TRHDE: variants seen among roughly 807,000 people sequenced by gnomAD.
TRHDE encodes thyrotropin releasing hormone degrading enzyme.
In TRHDE, 72 loss-of-function variants were observed where a neutral mutation model predicts 125.7. That is an observed-to-expected ratio of 0.57 (90% CI 0.47 to 0.70). The LOEUF is 0.70. Ranked by LOEUF, TRHDE falls within the 30% of genes least tolerant of loss-of-function variation. The probability of loss-of-function intolerance (pLI) is 0.00; values close to 1 mark genes in which losing one functional copy is unlikely to be tolerated. For synonymous variants in TRHDE, 509 were observed against 509.1 expected (o/e 1.00, Z 0.00); for missense variants, 1,110 against 1,327.1 (o/e 0.84, Z 2.54).
intron 7 of TRHDE, among the ~76,000 whole-genome samples, chr12:72,542,648 CT>C (rs1205530160): frequency 2.6e-5 from 4 of 151,276 alleles, no homozygotes; most frequent in African/African-American, 9.7e-5. Flanking sequence ...TCCAGAAAGA[CT>C]GCCTTCTTTT....
chr12:72,293,917 G>A (rs1180874026), intron 2 of TRHDE, among the ~76,000 whole-genome samples: 1 of 152,170 alleles, frequency 6.6e-6, no homozygotes, highest in Non-Finnish European at 1.5e-5. Context: ...GTGAGCATGG[G>A]GTCCAGCCAC....
intron 2 of TRHDE, among the ~76,000 whole-genome samples, chr12:72,330,701 T>C (rs1869554029): frequency 6.6e-6 from 1 of 152,114 alleles, no homozygotes; most frequent in Non-Finnish European, 1.5e-5. Context: ...TGCTGGGAAG[T>C]AGGAAAATAA....
intron 10 of TRHDE, among the ~76,000 whole-genome samples, chr12:72,571,119 T>A (rs770874891): frequency 6.6e-6 from 1 of 152,114 alleles, no homozygotes; most frequent in Non-Finnish European, 1.5e-5. Context: ...TTCGTTCTGA[T>A]GACTAATAAA....
chr12:72,440,963 A>C (rs1257820084), intron 3 of TRHDE, among the ~76,000 whole-genome samples: 2 of 151,934 alleles, frequency 1.3e-5, no homozygotes, highest in Non-Finnish European at 2.9e-5. Flanking sequence ...TGACTCAATA[A>C]ACAATACACA....
At chr12:72,315,269 G>A (rs1345483874) in intron 2 of TRHDE, among the ~76,000 whole-genome samples, 1 of 152,194 alleles carries the variant, frequency 6.6e-6, no homozygotes, top group East Asian at 1.9e-4. Context: ...AGATTAGGAA[G>A]TATTTTAAAG....
At position 72,575,284 on chromosome 12, in the gene TRHDE, G is replaced by A; in HGVS notation, c.2161G>A (p.Gly721Arg). The change falls in exon 11 of 19, where the codon GGA becomes AGA. Residue 721 changes from glycine to arginine, a missense_variant. By Grantham distance (125) the Gly-to-Arg change is moderately radical (BLOSUM62 -2). Around this residue, in one of 5 missense-constraint regions of TRHDE, gnomAD observed 527 missense variants for 651.8 expected, o/e 0.81. Coordinates refer to ENST00000261180, the MANE Select transcript of TRHDE (RefSeq NM_013381.3). ...CCACAGAATAACTTATTTGGACAAA[G>A]GAAGCTGGCTGCTGGGGAACATCAA... is the stretch of plus-strand genomic sequence containing the variant. Reference protein sequence around the residue: ...EHHRITYLDKGSWLLGNINQT... With the variant: ...EHHRITYLDKRSWLLGNINQT... The A allele has an allele frequency of 1.2e-6, 2 of 1,613,442 alleles. No individual in the cohort carries two copies. Among genetic ancestry groups the A allele is most frequent in the Non-Finnish European group, 8.5e-7 (1 of 1,179,672 alleles).
chr12:72,620,653 G>A (rs1300381964), intron 13 of TRHDE, among the ~76,000 whole-genome samples: 2 of 152,098 alleles, frequency 1.3e-5, no homozygotes, highest in Non-Finnish European at 2.9e-5. Context: ...GTGTATCTCA[G>A]CTTCATCAAT....
chr12:72,398,368 C>A (rs1872894411), intron 3 of TRHDE, among the ~76,000 whole-genome samples: 1 of 152,130 alleles, frequency 6.6e-6, no homozygotes, highest in Non-Finnish European at 1.5e-5. Context: ...ATGGCTGGGT[C>A]AAATGGTATT....
chr12:72,140,255 A>G (rs1876082725), intron 2 of TRHDE: 1 of 152,108 alleles, frequency 6.6e-6, no homozygotes, highest in Non-Finnish European at 1.5e-5. Flanking sequence ...CATAACAACA[A>G]CCTTGGACCC....
intron 2 of TRHDE, among the ~76,000 whole-genome samples, chr12:72,301,827 G>A (rs560330706): frequency 6.6e-6 from 1 of 152,244 alleles, no homozygotes; most frequent in Admixed American, 6.5e-5. Flanking sequence ...TAGGGTGGGG[G>A]AGAATGAGCA....
intron 4 of TRHDE, among the ~76,000 whole-genome samples, chr12:72,472,676 T>G (rs1055432580): frequency 6.6e-6 from 1 of 152,206 alleles, no homozygotes; most frequent in African/African-American, 2.4e-5. Flanking sequence ...CATTTACCCA[T>G]GCTAATTTCC....
At chr12:72,546,145 T>C (rs1291124112) in intron 7 of TRHDE, among the ~76,000 whole-genome samples, 1 of 151,688 alleles carries the variant, frequency 6.6e-6, no homozygotes, top group Non-Finnish European at 1.5e-5. Context: ...ACCCTAACTC[T>C]CACATAAAAG....
chr12:72,528,106 C>T (rs1229849357), intron 6 of TRHDE, among the ~76,000 whole-genome samples: 1 of 152,100 alleles, frequency 6.6e-6, no homozygotes, highest in African/African-American at 2.4e-5. Flanking sequence ...ATTATGCCAT[C>T]TTTTATATTA....
At chr12:72,308,615 C>T (rs1942286535) in intron 2 of TRHDE, among the ~76,000 whole-genome samples, 3 of 152,098 alleles carry the variant, frequency 2.0e-5, no homozygotes, top group Admixed American at 2.0e-4. Flanking sequence ...AAGCCCAGTC[C>T]AGGTTATATC....
intron 2 of TRHDE, among the ~76,000 whole-genome samples, chr12:72,106,462 G>T (rs1021449212): frequency 6.6e-6 from 1 of 152,030 alleles, no homozygotes; most frequent in South Asian, 2.1e-4. Context: ...GAAAGACAAC[G>T]AATGAGATTA....
At chr12:72,167,930 G>A (rs999694692) in intron 2 of TRHDE, among the ~76,000 whole-genome samples, 1 of 152,144 alleles carries the variant, frequency 6.6e-6, no homozygotes, top group East Asian at 1.9e-4. Flanking sequence ...ACTGGAAGAC[G>A]AAACTATCAA....
chr12:72,203,682 AGTTG>A, intron 2 of TRHDE, among the ~76,000 whole-genome samples: 1 of 152,168 alleles, frequency 6.6e-6, no homozygotes, highest in Admixed American at 6.5e-5. Flanking sequence ...AAACTTTCTT[AGTTG>A]TTTACTAACT....
intron 1 of TRHDE, among the ~76,000 whole-genome samples, chr12:72,274,272 G>A (rs1007578943): frequency 6.6e-6 from 1 of 152,198 alleles, no homozygotes; most frequent in Non-Finnish European, 1.5e-5. Flanking sequence ...TTTATGAGTT[G>A]CTGCCTCTGG....
chr12:72,654,132 A>T (rs1398649796), intron 17 of TRHDE, among the ~76,000 whole-genome samples: 1 of 152,156 alleles, frequency 6.6e-6, no homozygotes, highest in Non-Finnish European at 1.5e-5. Context: ...CTTAAGGTAA[A>T]ATTAATGTAT....
Sources: allele counts gnomAD v4.1 joint callset (sites outside exome capture counted in the v4.1 genomes callset), GRCh38; gene constraint gnomAD v4.1.1; regional missense constraint gnomAD v4.1.1; transcripts MANE v1.5; gene names NCBI Gene and HGNC (gene_info 2026-07-23, HGNC 2026-07-21).